Variants in EPHB1 observed in about 807,000 individuals in gnomAD.
EPHB1 encodes the protein ephrin type-B receptor 1.
In EPHB1, 30 loss-of-function variants were observed where a neutral mutation model predicts 94.4. That is an observed-to-expected ratio of 0.32 (90% CI 0.24 to 0.43). The LOEUF is 0.43. Ranked by LOEUF, EPHB1 falls within the 20% of genes least tolerant of loss-of-function variation. The probability of loss-of-function intolerance (pLI) is 1.00; values close to 1 mark genes in which losing one functional copy is unlikely to be tolerated. For missense variants in EPHB1, 1,055 were observed against 1,308.3 expected, an observed-to-expected ratio of 0.81 and a Z score of 2.99; for synonymous variants, 522 against 489.1, an observed-to-expected ratio of 1.07 and a Z score of -0.89.
At chr3:134,967,239 G>T (rs1432101631) in intron 3 of EPHB1, among the ~76,000 whole-genome samples, 1 of 152,166 alleles carries the variant, frequency 6.6e-6, no homozygotes, top group Non-Finnish European at 1.5e-5. Context: ...GTAAAAAAAT[G>T]AAAATGGAGT....
chr3:134,859,174 G>A (rs531121549), intron 1 of EPHB1, among the ~76,000 whole-genome samples: 1 of 152,158 alleles, frequency 6.6e-6, no homozygotes, highest in African/African-American at 2.4e-5. Context: ...CAGTTAACTG[G>A]TTTAGATTCT....
At chr3:135,233,088 C>A (rs1181903581) in intron 12 of EPHB1, among the ~76,000 whole-genome samples, 1 of 152,246 alleles carries the variant, frequency 6.6e-6, no homozygotes, top group Non-Finnish European at 1.5e-5. Context: ...CATGTCCTCA[C>A]ATTTCAAAAC....
At chr3:134,857,686 C>G (rs1011220914) in intron 1 of EPHB1, among the ~76,000 whole-genome samples, 2 of 152,094 alleles carry the variant, frequency 1.3e-5, no homozygotes, top group Non-Finnish European at 1.5e-5. Flanking sequence ...CAAGTGACAC[C>G]TGTCCCAAGT....
intron 1 of EPHB1, among the ~76,000 whole-genome samples, chr3:134,924,463 T>C (rs1189860648): frequency 6.6e-6 from 1 of 152,188 alleles, no homozygotes; most frequent in Non-Finnish European, 1.5e-5. Flanking sequence ...GATTTATGGA[T>C]GACAAATAAG....
intron 3 of EPHB1, among the ~76,000 whole-genome samples, chr3:135,043,326 T>C (rs1028864996): frequency 8.5e-5 from 13 of 152,120 alleles, no homozygotes; most frequent in African/African-American, 3.1e-4. Context: ...AAATACAGTT[T>C]GGTACTTTTC....
chr3:135,203,017 A>T (rs1576466195), intron 12 of EPHB1, among the ~76,000 whole-genome samples: 1 of 152,202 alleles, frequency 6.6e-6, no homozygotes, highest in Non-Finnish European at 1.5e-5. Flanking sequence ...GCACATATAC[A>T]CCATGGAATA....
At chr3:135,218,882 C>T (rs1943215619) in intron 12 of EPHB1, among the ~76,000 whole-genome samples, 1 of 152,188 alleles carries the variant, frequency 6.6e-6, no homozygotes, top group African/African-American at 2.4e-5. Flanking sequence ...GAAGGAACAC[C>T]TGTGTTGAAG....
chr3:134,927,245 C>A (rs2038813060), intron 2 of EPHB1, among the ~76,000 whole-genome samples: 1 of 152,226 alleles, frequency 6.6e-6, no homozygotes, highest in African/African-American at 2.4e-5. Flanking sequence ...GGTCACAGGG[C>A]AGACAGTTAT....
chr3:134,940,225 C>T (rs1428486720), intron 2 of EPHB1, among the ~76,000 whole-genome samples: 1 of 152,090 alleles, frequency 6.6e-6, no homozygotes, highest in African/African-American at 2.4e-5. Context: ...GAGGTGGATC[C>T]TGAGGTTAAC....
rs1424213544 is a variant in EPHB1, at chr3:135,076,260, T to TATATATATATATATATATATATATATAA, written c.806-30187_806-30186insTATATATATATATATATATATATATAAA. 1.3e-3 allele frequency among the ~76,000 whole-genome samples: 131 copies of TATATATATATATATATATATATATATAA among 104,292 alleles called. 6 individuals carry two copies. The highest frequency in any genetic ancestry group is 4.5e-3 in the African/African-American group (124 of 27,598). The allele number at this position is 104,292 out of a possible 152,430, so 68.4% of individuals were successfully genotyped here. ...ATATATATATATATATATATATATA[T>TATATATATATATATATATATATATATAA]AACTCTTAAATGCATTAGTAAAAAG... On this transcript the variant is annotated intron_variant, in intron 3 of 15. Transcript: ENST00000398015.
rs1305175216 is a variant in EPHB1, at chr3:134,951,094, A to G, written c.124-277A>G. Among the ~76,000 whole-genome samples the G allele has an allele frequency of 2.0e-5, 3 of 152,224 alleles. No individual in the cohort carries two copies. The highest frequency in any genetic ancestry group is 4.4e-5 in the Non-Finnish European group (3 of 68,036). On this transcript the variant is annotated intron_variant, in intron 2 of 15. Coordinates refer to ENST00000398015, the MANE Select transcript of EPHB1 (RefSeq NM_004441.5). The surrounding 1 kb of genome is among the most constrained non-coding windows in gnomAD (Gnocchi z 4.5). ...GTTGTCCCCATGGATGTAATAAGCTAGTCACAGAATGAGCATTATGGGTTA... is the reference window on the plus strand; with the variant it reads ...GTTGTCCCCATGGATGTAATAAGCTGGTCACAGAATGAGCATTATGGGTTA...
chr3:135,033,238 G>A (rs1331610184), intron 3 of EPHB1, among the ~76,000 whole-genome samples: 2 of 152,266 alleles, frequency 1.3e-5, no homozygotes, highest in Middle Eastern at 3.4e-3. Flanking sequence ...ATCGTTTATG[G>A]TGGGTTCGGC....
chr3:134,849,070 A>G (rs1313213374), intron 1 of EPHB1, among the ~76,000 whole-genome samples: 1 of 152,224 alleles, frequency 6.6e-6, no homozygotes, highest in African/African-American at 2.4e-5. Context: ...AGTGCTCCAG[A>G]GGTTTAGGGC....
At chr3:134,891,259 G>A (rs539866544) in intron 1 of EPHB1, among the ~76,000 whole-genome samples, 22 of 152,196 alleles carry the variant, frequency 1.4e-4, no homozygotes, top group South Asian at 1.0e-3. Flanking sequence ...ATAGGCATGC[G>A]CCACCATGCC....
At chr3:135,255,670 G>T (rs1033767039) in intron 15 of EPHB1, among the ~76,000 whole-genome samples, 3 of 151,114 alleles carry the variant, frequency 2.0e-5, no homozygotes, top group African/African-American at 7.3e-5. Flanking sequence ...GTGTGGTGTG[G>T]TGCTGAAAAA....
chr3:135,226,114 G>T (rs546749228), intron 12 of EPHB1, among the ~76,000 whole-genome samples: 1 of 152,230 alleles, frequency 6.6e-6, no homozygotes, highest in Non-Finnish European at 1.5e-5. Flanking sequence ...GCAGGCCAAC[G>T]GCATCAGTGG....
At chr3:134,796,813 T>A (rs1430362666) in intron 1 of EPHB1, among the ~76,000 whole-genome samples, 1 of 152,238 alleles carries the variant, frequency 6.6e-6, no homozygotes, top group Non-Finnish European at 1.5e-5. Context: ...ATGGAACTCC[T>A]CTGGGGGACT....
intron 1 of EPHB1, among the ~76,000 whole-genome samples, chr3:134,845,967 G>T (rs1298363936): frequency 6.8e-6 from 1 of 146,658 alleles, no homozygotes; most frequent in Non-Finnish European, 1.5e-5. Flanking sequence ...GGTTTTTTGT[G>T]CCCAGATCAA....
At chr3:135,124,592 A>G (rs2107684331) in intron 4 of EPHB1, among the ~76,000 whole-genome samples, 1 of 151,856 alleles carries the variant, frequency 6.6e-6, no homozygotes, top group South Asian at 2.1e-4. Context: ...TGTGATCATC[A>G]TGCAGATTTT....
Sources: allele counts gnomAD v4.1 joint callset (sites outside exome capture counted in the v4.1 genomes callset), GRCh38; gene constraint gnomAD v4.1.1; non-coding constraint Gnocchi (gnomAD v3.1); transcripts MANE v1.5; gene names NCBI Gene and HGNC (gene_info 2026-07-23, HGNC 2026-07-21).